Variants in STK35 observed in about 807,000 individuals in gnomAD.
STK35 encodes serine/threonine kinase 35.
Under a neutral mutation model 37.3 loss-of-function variants are expected in STK35, and 17 were observed. The ratio of observed to expected loss-of-function variants is 0.46; its 90% CI spans 0.31 to 0.68. The LOEUF (loss-of-function observed/expected upper bound fraction) is 0.68, where lower values mean the gene tolerates loss of function less well. Ranked by LOEUF, STK35 falls within the 30% of genes least tolerant of loss-of-function variation. The pLI is 0.05. For missense variants in STK35, 595 were observed against 746.7 expected, an observed-to-expected ratio of 0.80 and a Z score of 2.37; for synonymous variants, 385 against 319.1, an observed-to-expected ratio of 1.21 and a Z score of -2.20.
Position 2,119,526 on chromosome 20 carries a change from A to G in STK35, c.*37+2111A>G, listed in dbSNP as rs116122789. ...GTAAGAGAAATAAGATGAAAAATTG[A>G]CCAGCATATATGCTAGGTAGTTTCA... On this transcript the variant is annotated intron_variant, in intron 3 of 3. Coordinates refer to ENST00000381482, the MANE Select transcript of STK35 (RefSeq NM_080836.4). Among the ~76,000 whole-genome samples the G allele has an allele frequency of 6.9e-3, 1,058 of 152,380 alleles. 15 individuals are homozygous for G. Among genetic ancestry groups the G allele is most frequent in the African/African-American group, 0.024 (984 of 41,588 alleles).
chr20:2,113,716 G>A (rs1358181497), intron 2 of STK35, among the ~76,000 whole-genome samples: 1 of 152,232 alleles, frequency 6.6e-6, no homozygotes. Flanking sequence ...TTGGGGTTGA[G>A]TGGGAATGAT....
At chr20:2,114,682 C>T (rs529040432) in intron 2 of STK35, among the ~76,000 whole-genome samples, 72 of 152,298 alleles carry the variant, frequency 4.7e-4, no homozygotes, top group African/African-American at 1.6e-3. Flanking sequence ...TCTTTTTTTA[C>T]CATTTTTTCT....
Position 2,102,837 on chromosome 20 carries a change from G to C in STK35, c.364G>C (p.Ala122Pro). 3 of 1,535,758 alleles carry C rather than the reference G, an allele frequency of 2.0e-6. No individual in the cohort carries two copies. Among genetic ancestry groups the C allele is most frequent in the Non-Finnish European group, 2.6e-6 (3 of 1,148,602 alleles). The change falls in exon 2 of 4, where the codon GCA (alanine) becomes CCA (proline). Residue 122 changes from alanine (A) to proline (P), a missense_variant. Ala to Pro is a conservative substitution (Grantham distance 27, BLOSUM62 -1). Transcript: ENST00000381482. The stretch of plus-strand genomic sequence containing the variant: ...GAGGGATGAGGCAGGGGGGGCCCGG[G>C]CAGCGCCGTTGCTGCTCCCCCCGCC... ...GRRDEAGGAR[A>P]APLLLPPPPA...
rs1313488936 is a variant in STK35 at position 2,103,382 on chromosome 20, C to T, written c.892+17C>T. 1 of 1,601,494 alleles carries T rather than the reference C, an allele frequency of 6.2e-7. No individual in the cohort carries two copies. The highest frequency in any genetic ancestry group is 1.7e-4 in the Middle Eastern group (1 of 5,934). On this transcript the variant is annotated intron_variant, in intron 2 of 3. Transcript: ENST00000381482. ...CGCTGAAAGGTAGGAGCACCGCGGG[C>T]CTTTCCACCCACGCAGGGCCTGGAC...
intron 2 of STK35, 91 bp from the exon 3 acceptor site, chr20:2,116,573 AAT>A: frequency 7.3e-7 from 1 of 1,372,220 alleles, no homozygotes; most frequent in Non-Finnish European, 9.9e-7. Flanking sequence ...GTTTGTCACC[AAT>A]GTCACTCTTG....
chr20:2,139,230 A>G (rs1212223901), intron 3 of STK35, among the ~76,000 whole-genome samples: 4 of 152,078 alleles, frequency 2.6e-5, no homozygotes, highest in African/African-American at 7.3e-5. Flanking sequence ...CTGTTCTCCA[A>G]GCTGCTAATG....
rs1986131855 is a variant in STK35, at chr20:2,139,044, G to A, written c.*38-4740G>A. On this transcript the variant is annotated intron_variant, in intron 3 of 3. Coordinates refer to ENST00000381482, the MANE Select transcript of STK35 (RefSeq NM_080836.4). ...CTGTGTCTTAGAAAAGAAAGCAAAAGGTAATGACATTTTGACACTAATAAA... is the reference window on the plus strand; with the variant it reads ...CTGTGTCTTAGAAAAGAAAGCAAAAAGTAATGACATTTTGACACTAATAAA... Among the ~76,000 whole-genome samples, 4 of 152,204 alleles carry A rather than the reference G, an allele frequency of 2.6e-5. No homozygotes were observed. In the South Asian group the frequency reaches 8.3e-4, roughly 32 times the overall value.
chr20:2,109,925 C>T (rs1301201094), intron 2 of STK35, among the ~76,000 whole-genome samples: 2 of 152,246 alleles, frequency 1.3e-5, no homozygotes, highest in Non-Finnish European at 2.9e-5. Flanking sequence ...CCCTGTCCGG[C>T]CGGTGGGTTT....
chr20:2,133,399 C>A (rs1316703633), intron 3 of STK35, among the ~76,000 whole-genome samples: 1 of 152,214 alleles, frequency 6.6e-6, no homozygotes, highest in Non-Finnish European at 1.5e-5. Flanking sequence ...CTTTTATTTT[C>A]TGCCCCACAC....
In STK35 at chr20:2,147,919, CG is replaced by C. The variant is rs1263879871; in HGVS notation, c.*4176del. On this transcript the variant is annotated 3_prime_UTR_variant, in exon 4 of 4. Transcript: ENST00000381482. ...CTGTGGCACAGCCTTCGAGACAACA[CG>C]GGTGTATCTCTGATCCTGCCCTACC... The C allele has an allele frequency of 6.6e-6, 1 of 152,178 alleles. No individual in the cohort carries two copies. The highest frequency in any genetic ancestry group is 6.5e-5 in the Admixed American group (1 of 15,282). The allele number at this position is 152,178 out of a possible 1,614,324, so 9.4% of individuals were successfully genotyped here. A position where few individuals can be genotyped will look rare whatever the true frequency, so the allele number is the denominator to read the frequency against.
intron 3 of STK35, among the ~76,000 whole-genome samples, chr20:2,119,515 A>G (rs1985779413): frequency 6.6e-6 from 1 of 152,270 alleles, no homozygotes; most frequent in Non-Finnish European, 1.5e-5. Context: ...GAGAAATAAG[A>G]TGAAAAATTG....
intron 3 of STK35, among the ~76,000 whole-genome samples, chr20:2,128,928 G>T (rs934916036): frequency 6.6e-6 from 1 of 152,040 alleles, no homozygotes; most frequent in Non-Finnish European, 1.5e-5. Flanking sequence ...GGCTTCACGC[G>T]ATTCTCCTGC....
rs542478800 is a variant in STK35 at position 2,103,448 on chromosome 20, C to T, written c.892+83C>T. ...CGGCTTGGCCCACACTGTTCCTGGC[C>T]TTCCTAGGCCTCAGACCTGGTCCCT... On this transcript the variant is annotated intron_variant, in intron 2 of 3. Transcript: ENST00000381482. The T allele has an allele frequency of 7.4e-6, 10 of 1,346,080 alleles. No individual in the cohort carries two copies. In the East Asian group the frequency reaches 2.1e-4, roughly 29 times the overall value. The allele number at this position is 1,346,080 out of a possible 1,614,324, so 83.4% of individuals were successfully genotyped here.
chr20:2,114,588 G>A (rs1026532432), intron 2 of STK35, among the ~76,000 whole-genome samples: 4 of 152,158 alleles, frequency 2.6e-5, no homozygotes, highest in Non-Finnish European at 5.9e-5. Flanking sequence ...CCCTCCTGTA[G>A]CATCTCCTGA....
chr20:2,121,502 A>G (rs1411081759), intron 3 of STK35, among the ~76,000 whole-genome samples: 1 of 152,212 alleles, frequency 6.6e-6, no homozygotes, highest in Non-Finnish European at 1.5e-5. Context: ...TTGGCAGGAC[A>G]AAGTTAGGTT....
chr20:2,104,322 T>A (rs903262580), intron 2 of STK35, among the ~76,000 whole-genome samples: 13 of 152,298 alleles, frequency 8.5e-5, no homozygotes, highest in African/African-American at 3.1e-4. Flanking sequence ...AGTTTACTAA[T>A]CCGAGTCCCA....
chr20:2,130,701 G>A (rs1985985084), intron 3 of STK35, among the ~76,000 whole-genome samples: 1 of 152,126 alleles, frequency 6.6e-6, no homozygotes, highest in South Asian at 2.1e-4. Flanking sequence ...TTTTGGGTTA[G>A]GGAAAGGCAT....
At chr20:2,112,687 A>T (rs1460385178) in intron 2 of STK35, among the ~76,000 whole-genome samples, 2 of 152,154 alleles carry the variant, frequency 1.3e-5, no homozygotes, top group African/African-American at 4.8e-5. Context: ...GATAGCTCAC[A>T]TAATAAACTT....
chr20:2,123,243 G>A (rs1373770518), intron 3 of STK35, among the ~76,000 whole-genome samples: 1 of 152,192 alleles, frequency 6.6e-6, no homozygotes, highest in Non-Finnish European at 1.5e-5. Flanking sequence ...TGTGACCTGA[G>A]GGGTCACAGA....
Sources: allele counts gnomAD v4.1 joint callset (sites outside exome capture counted in the v4.1 genomes callset), GRCh38; gene constraint gnomAD v4.1.1; transcripts MANE v1.5; gene names NCBI Gene and HGNC (gene_info 2026-07-23, HGNC 2026-07-21).